The following DPP10 variants were observed in gnomAD, a reference collection of about 807,000 sequenced individuals.
The protein encoded by DPP10 is dipeptidyl peptidase like 10, also known as inactive dipeptidyl peptidase 10.
DPP10 carries 33 observed loss-of-function variants against 120.9 expected under a neutral mutation model. The ratio of observed to expected loss-of-function variants is 0.27; its 90% confidence interval spans 0.21 to 0.37. The LOEUF (loss-of-function observed/expected upper bound fraction) is 0.37, where lower values mean the gene tolerates loss of function less well. DPP10 is among the 10% of genes least tolerant of loss of function. DPP10 has a pLI of 1.00. For missense variants in DPP10, 816 were observed against 942.8 expected, an observed-to-expected ratio of 0.87 and a Z score of 1.76; for synonymous variants, 337 against 326.1, an observed-to-expected ratio of 1.03 and a Z score of -0.36.
At chr2:115,458,927 G>A (rs551804319) in intron 3 of DPP10, among the ~76,000 whole-genome samples, 1 of 151,942 alleles carries the variant, frequency 6.6e-6, no homozygotes, top group Non-Finnish European at 1.5e-5. Flanking sequence ...TAATCACAAG[G>A]AATATTAACC....
chr2:115,004,067 G>A (rs193054917), intron 1 of DPP10, among the ~76,000 whole-genome samples: 31 of 152,144 alleles, frequency 2.0e-4, no homozygotes, highest in East Asian at 1.6e-3. Context: ...ACTTCGTATC[G>A]AAGGTATAAA....
intron 1 of DPP10, among the ~76,000 whole-genome samples, chr2:114,554,719 C>T (rs1386749464): frequency 6.6e-6 from 1 of 152,194 alleles, no homozygotes; most frequent in East Asian, 1.9e-4. Context: ...ATTGCCCATT[C>T]CGGGCTTTAA....
At chr2:115,600,823 G>A (rs1001518973) in intron 5 of DPP10, among the ~76,000 whole-genome samples, 2 of 152,176 alleles carry the variant, frequency 1.3e-5, no homozygotes, top group South Asian at 4.1e-4. Flanking sequence ...TAATCTATCA[G>A]CAGATACCAT....
chr2:115,181,465 TG>T (rs1173903677), intron 1 of DPP10, among the ~76,000 whole-genome samples: 1 of 152,212 alleles, frequency 6.6e-6, no homozygotes, highest in African/African-American at 2.4e-5. Context: ...TTCACTCATA[TG>T]TCTTGTATAT....
At chr2:114,808,517 C>A (rs1159875094) in intron 1 of DPP10, among the ~76,000 whole-genome samples, 1 of 151,232 alleles carries the variant, frequency 6.6e-6, no homozygotes, top group East Asian at 1.9e-4. Flanking sequence ...CTCTTGCCAA[C>A]ACAAACTGAG....
intron 1 of DPP10, among the ~76,000 whole-genome samples, chr2:115,070,046 G>T (rs1404978038): frequency 6.6e-6 from 1 of 152,042 alleles, no homozygotes; most frequent in African/African-American, 2.4e-5. Flanking sequence ...TGGAATGCTA[G>T]ATTTATATCA....
At chr2:114,498,494 C>T (rs1174023710) in intron 1 of DPP10, among the ~76,000 whole-genome samples, 1 of 152,150 alleles carries the variant, frequency 6.6e-6, no homozygotes, top group Non-Finnish European at 1.5e-5. Flanking sequence ...ATACCACAAA[C>T]TACGTAATTT....
At chr2:115,113,895 C>A (rs2049362122) in intron 1 of DPP10, among the ~76,000 whole-genome samples, 1 of 152,122 alleles carries the variant, frequency 6.6e-6, no homozygotes, top group Admixed American at 6.5e-5. Flanking sequence ...TGATCATACA[C>A]ATTGAGTCAT....
chr2:114,725,851 C>T (rs1702005221), intron 1 of DPP10, among the ~76,000 whole-genome samples: 1 of 152,180 alleles, frequency 6.6e-6, no homozygotes, highest in Non-Finnish European at 1.5e-5. Flanking sequence ...TATTACACTT[C>T]CCTGCATCTC....
intron 1 of DPP10, among the ~76,000 whole-genome samples, chr2:115,185,884 G>T (rs184309795): frequency 1.9e-4 from 29 of 152,278 alleles, no homozygotes; most frequent in Admixed American, 1.8e-3. Context: ...AGTGTGTTGT[G>T]CTAGAGTTCT....
chr2:115,775,976 G>A (rs1023270199), intron 13 of DPP10, among the ~76,000 whole-genome samples: 2 of 152,040 alleles, frequency 1.3e-5, no homozygotes, highest in South Asian at 2.1e-4. Flanking sequence ...TAGAAATTTA[G>A]GAATAAAGGG....
At chr2:115,091,634 T>C (rs954467003) in intron 1 of DPP10, among the ~76,000 whole-genome samples, 3 of 152,204 alleles carry the variant, frequency 2.0e-5, no homozygotes, top group Admixed American at 6.5e-5. Context: ...CCGTCCGTCC[T>C]ACCAATTTAC....
intron 1 of DPP10, chr2:115,065,637 G>A (rs1322110469): frequency 6.6e-6 from 1 of 151,974 alleles, no homozygotes; most frequent in Non-Finnish European, 1.5e-5. Context: ...GTATGTGTGT[G>A]TAGTGTGTAT....
intron 3 of DPP10, among the ~76,000 whole-genome samples, chr2:115,377,990 G>T (rs980687338): frequency 1.2e-4 from 18 of 151,826 alleles, no homozygotes; most frequent in Non-Finnish European, 5.9e-5. Flanking sequence ...GTAGTGTGAT[G>T]CCTCCAGCTT....
intron 7 of DPP10, among the ~76,000 whole-genome samples, chr2:115,699,022 G>GAAAAAA (rs758818861): frequency 0.069 from 2,668 of 38,458 alleles, 243 homozygotes; most frequent in East Asian, 0.16. Context: ...TAGCTTGACT[G>GAAAAAA]AAAAAAAAAA....
intron 1 of DPP10, among the ~76,000 whole-genome samples, chr2:114,547,938 A>T (rs1010035728): frequency 1.3e-5 from 2 of 152,034 alleles, no homozygotes; most frequent in African/African-American, 4.8e-5. Flanking sequence ...TTCTCCTCTG[A>T]TTCTCTCACC....
chr2:115,427,610 A>G (rs1261669673), intron 3 of DPP10, among the ~76,000 whole-genome samples: 1 of 152,122 alleles, frequency 6.6e-6, no homozygotes, highest in African/African-American at 2.4e-5. Flanking sequence ...CTCTGGGCCT[A>G]TTCCCATACC....
chr2:115,072,957 AT>A (rs1329710332), intron 1 of DPP10, among the ~76,000 whole-genome samples: 1 of 151,944 alleles, frequency 6.6e-6, no homozygotes, highest in Admixed American at 6.6e-5. Context: ...TAATTTTTGC[AT>A]TTTTAGGAGA....
intron 1 of DPP10, among the ~76,000 whole-genome samples, chr2:115,236,183 C>T (rs567711901): frequency 1.3e-5 from 2 of 152,128 alleles, no homozygotes; most frequent in South Asian, 4.2e-4. Context: ...TCACTAAACC[C>T]CCAAAGAAAA....
Sources: gnomAD v4.1 joint callset for allele counts (sites outside exome capture counted in the v4.1 genomes callset) on GRCh38, gnomAD v4.1.1 for gene constraint, MANE v1.5 for transcripts, NCBI Gene and HGNC (gene_info 2026-07-23, HGNC 2026-07-21) for gene names.